HPF1: variants seen among roughly 807,000 people sequenced by gnomAD.
The protein encoded by HPF1 is histone PARylation factor 1, also known as UPF0609 protein C4orf27.
HPF1 carries 35 observed loss-of-function variants against 38.8 expected under a neutral mutation model. The observed-to-expected ratio is 0.90, with a 90% CI of 0.69 to 1.19. HPF1 has a LOEUF of 1.19. HPF1 is among the 50% of genes most tolerant of loss of function. The pLI, the probability that HPF1 is intolerant of heterozygous loss-of-function variation, is 0.00. For missense variants in HPF1, 367 were observed against 405.8 expected, an observed-to-expected ratio of 0.90 and a Z score of 0.82; for synonymous variants, 115 against 139.2, an observed-to-expected ratio of 0.83 and a Z score of 1.22.
intron 4 of HPF1, among the ~76,000 whole-genome samples, chr4:169,742,717 G>A (rs1329265215): frequency 1.3e-5 from 2 of 152,134 alleles, no homozygotes; most frequent in African/African-American, 4.8e-5. Flanking sequence ...GCGTGAACCC[G>A]GGAGGCAGAG....
At chr4:169,729,833 T>G in intron 7 of HPF1, 124 bp from the exon 8 acceptor site, 1 of 658,846 alleles carries the variant, frequency 1.5e-6, no homozygotes, top group Non-Finnish European at 2.2e-6. Flanking sequence ...AGCTACACCC[T>G]CAGGTGGTTA....
intron 1 of HPF1, among the ~76,000 whole-genome samples, chr4:169,755,773 G>A (rs1734181497): frequency 6.6e-6 from 1 of 152,160 alleles, no homozygotes; most frequent in Admixed American, 6.5e-5. Flanking sequence ...ATTTTTAAAA[G>A]GCAAGGGAAA....
intron 4 of HPF1, among the ~76,000 whole-genome samples, chr4:169,745,201 G>A (rs953668246): frequency 6.6e-6 from 1 of 152,216 alleles, no homozygotes; most frequent in Admixed American, 6.5e-5. Flanking sequence ...GAAGTCGGAA[G>A]AGGCCTCGAG....
rs1230411156 is a variant in HPF1, at chr4:169,748,797, T to C, written c.444A>G (p.Ala148=). 3.3e-6 allele frequency: 5 copies of C among 1,522,446 alleles called. No individual in the cohort carries two copies. Among genetic ancestry groups the C allele is most frequent in the Non-Finnish European group, 4.5e-6 (5 of 1,123,116 alleles). The allele number at this position is 1,522,446 out of a possible 1,614,324, so 94.3% of individuals were successfully genotyped here. The stretch of plus-strand genomic sequence containing the variant: ...TTGGAACAATTATACAATTTTTCTT[T>C]GCTTCATTTATACCAACATATACAG... ...EFPVYVGINE[A]KKNCIIVPNG... Residue 148 remains alanine, a synonymous_variant, in exon 4 of 8, where the codon GCA becomes GCG. Coordinates refer to ENST00000393381, the MANE Select transcript of HPF1 (RefSeq NM_017867.3).
chr4:169,744,183 G>GTAC (rs1734015934), intron 4 of HPF1, among the ~76,000 whole-genome samples: 2 of 152,138 alleles, frequency 1.3e-5, no homozygotes, highest in African/African-American at 2.4e-5. Flanking sequence ...AGCCATTCAA[G>GTAC]TACCCTGTGC....
Position 169,731,688 on chromosome 4 carries a change from G to T in HPF1, c.909+16C>A. 1.3e-6 allele frequency: 2 copies of T among 1,502,496 alleles called. No homozygotes were observed. Among genetic ancestry groups the T allele is most frequent in the South Asian group, 1.4e-5 (1 of 73,124 alleles). The allele number at this position is 1,502,496 out of a possible 1,614,324, so 93.1% of individuals were successfully genotyped here. On this transcript the variant is annotated intron_variant, in intron 7 of 7. Transcript: ENST00000393381. Reference sequence around the variant, plus strand: ...GGTGTGGCAGTGGGTAGAAGGTGGAGGGTTTTTTTACTCACATGTGAGCCA... The same window carrying T: ...GGTGTGGCAGTGGGTAGAAGGTGGATGGTTTTTTTACTCACATGTGAGCCA...
At chr4:169,756,769 A>G (rs914121356) in intron 1 of HPF1, among the ~76,000 whole-genome samples, 2 of 152,076 alleles carry the variant, frequency 1.3e-5, no homozygotes, top group African/African-American at 2.4e-5. Context: ...TAAGCACATC[A>G]CTCCACCAAA....
intron 1 of HPF1, among the ~76,000 whole-genome samples, 171 bp downstream of exon 1, chr4:169,757,659 C>T (rs1329556283): frequency 6.6e-6 from 1 of 152,208 alleles, no homozygotes; most frequent in East Asian, 1.9e-4. Flanking sequence ...CTGGTCCAAC[C>T]CCCTGCAGAG....
chr4:169,741,999 C>T lies in HPF1; in HGVS notation c.606G>A (p.Ser202=), dbSNP rs754524797. 8.7e-6 allele frequency: 14 copies of T among 1,613,240 alleles called. No individual in the cohort carries two copies. Among genetic ancestry groups the T allele is most frequent in the South Asian group, 5.5e-5 (5 of 91,062 alleles). ...TCATCTTCACGGTTCTCTGTTCAAG[C>T]GAGTACCCCAATTCTCTGGCTGCTT... ...LTEAARELGY[S]LEQRTVKMKQ... is the part of the protein sequence containing the mutation. Residue 202 remains serine, a synonymous_variant, in exon 5 of 8, where the codon TCG becomes TCA. Coordinates refer to ENST00000393381, the MANE Select transcript of HPF1 (RefSeq NM_017867.3).
chr4:169,746,866 A>C (rs973868098), intron 4 of HPF1, among the ~76,000 whole-genome samples: 1 of 150,414 alleles, frequency 6.6e-6, no homozygotes, highest in African/African-American at 2.5e-5. Flanking sequence ...CCTAAGTTAT[A>C]AATATCACCC....
intron 6 of HPF1, among the ~76,000 whole-genome samples, chr4:169,736,203 ACC>A (rs1034754501): frequency 6.6e-6 from 1 of 151,586 alleles, no homozygotes; most frequent in Admixed American, 6.6e-5. Context: ...ACAGAGTGAG[ACC>A]CCGTCTCTAC....
At chr4:169,746,800 CT>C (rs1439240933) in intron 4 of HPF1, among the ~76,000 whole-genome samples, 2 of 151,492 alleles carry the variant, frequency 1.3e-5, no homozygotes, top group Non-Finnish European at 2.9e-5. Flanking sequence ...TTTTTTACCC[CT>C]GTTTGAGATA....
intron 7 of HPF1, among the ~76,000 whole-genome samples, chr4:169,730,871 T>G (rs1470244277): frequency 6.6e-6 from 1 of 152,226 alleles, no homozygotes; most frequent in African/African-American, 2.4e-5. Flanking sequence ...ATTACTGCAC[T>G]GATTTAGGCA....
intron 4 of HPF1, among the ~76,000 whole-genome samples, chr4:169,745,093 G>C (rs1179671978): frequency 2.0e-5 from 3 of 152,234 alleles, no homozygotes; most frequent in Admixed American, 6.5e-5. Flanking sequence ...TTTCAGAGTA[G>C]GGTGGTGGGG....
intron 2 of HPF1, 31 bp from the exon 3 acceptor site, chr4:169,750,756 T>A: frequency 1.4e-6 from 2 of 1,473,738 alleles, no homozygotes; most frequent in African/African-American, 2.8e-5. Context: ...GACAATACTT[T>A]CTGGAGACAG....
At chr4:169,738,613 C>T (rs2150290102) in intron 5 of HPF1, among the ~76,000 whole-genome samples, 1 of 152,252 alleles carries the variant, frequency 6.6e-6, no homozygotes, top group East Asian at 1.9e-4. Flanking sequence ...TTGCTTCTTT[C>T]ATTATCCTTT....
At chr4:169,734,334 C>G (rs1411703325) in intron 6 of HPF1, among the ~76,000 whole-genome samples, 1 of 152,180 alleles carries the variant, frequency 6.6e-6, no homozygotes, top group Non-Finnish European at 1.5e-5. Flanking sequence ...TAGAATCTCT[C>G]TCGCTGTGCT....
Position 169,729,541 on chromosome 4 carries a change from C to A in HPF1, c.*37G>T. On this transcript the variant is annotated 3_prime_UTR_variant, in exon 8 of 8. Transcript: ENST00000393381. ...CAAAAATCACAAGTTTAATACTAGT[C>A]CTTTGAAATACTGTACACCAATCAA... 3 of 1,389,568 alleles carry A rather than the reference C, an allele frequency of 2.2e-6. No homozygotes were observed. Among genetic ancestry groups the A allele is most frequent in the Non-Finnish European group, 1.9e-6 (2 of 1,059,860 alleles). The allele number at this position is 1,389,568 out of a possible 1,614,324, so 86.1% of individuals were successfully genotyped here.
Position 169,729,517 on chromosome 4 carries a change from A to G in HPF1, c.*61T>C, listed in dbSNP as rs1317981615. On this transcript the variant is annotated 3_prime_UTR_variant, in exon 8 of 8. Coordinates refer to ENST00000393381, the MANE Select transcript of HPF1 (RefSeq NM_017867.3). The stretch of plus-strand genomic sequence containing the variant: ...TTTTTGTATTCCTTAAAAACAAAAC[A>G]AAAATCACAAGTTTAATACTAGTCC... 2 of 1,290,668 alleles carry G rather than the reference A, an allele frequency of 1.5e-6. No homozygotes were observed. Among genetic ancestry groups the G allele is most frequent in the South Asian group, 5.4e-5 (2 of 37,072 alleles). 80.0% of individuals were successfully genotyped at this position (1,290,668 alleles called of 1,614,324 possible).
Sources: allele counts gnomAD v4.1 joint callset (sites outside exome capture counted in the v4.1 genomes callset), GRCh38; gene constraint gnomAD v4.1.1; transcripts MANE v1.5; gene names NCBI Gene and HGNC (gene_info 2026-07-23, HGNC 2026-07-21).